Variants in LEMD3 observed in about 807,000 individuals in gnomAD.
The protein encoded by LEMD3 is inner nuclear membrane protein Man1.
LEMD3 carries 33 observed loss-of-function variants against 95.2 expected under a neutral mutation model. That is an observed-to-expected ratio of 0.35 (90% confidence interval 0.26 to 0.46). The LOEUF is 0.46. LEMD3 is among the 20% of genes least tolerant of loss of function. The pLI is 1.00. For synonymous variants in LEMD3, 525 were observed against 474.6 expected (o/e 1.11, Z -1.38); for missense variants, 1,210 against 1,192.8 (o/e 1.01, Z -0.21).
At chr12:65,192,105 TAAA>T (rs35863115) in intron 1 of LEMD3, among the ~76,000 whole-genome samples, 5 of 138,054 alleles carry the variant, frequency 3.6e-5, no homozygotes, top group Non-Finnish European at 3.2e-5. Flanking sequence ...CACAGTTGCT[TAAA>T]AAAAAAAAAA....
At chr12:65,244,899 C>T (rs545151323) in intron 10 of LEMD3, among the ~76,000 whole-genome samples, 18 of 151,720 alleles carry the variant, frequency 1.2e-4, no homozygotes, top group African/African-American at 3.6e-4. Context: ...TGCAGTGAGC[C>T]GAGATCACGC....
intron 1 of LEMD3, among the ~76,000 whole-genome samples, chr12:65,181,959 A>G (rs1204950277): frequency 6.6e-6 from 1 of 151,784 alleles, no homozygotes; most frequent in Admixed American, 6.6e-5. Context: ...GCCTTAGGTG[A>G]GAAGAGCAAA....
intron 1 of LEMD3, 89 bp from the exon 2 acceptor site, chr12:65,210,837 A>G (rs1869915506): frequency 1.0e-6 from 1 of 984,830 alleles, no homozygotes; most frequent in South Asian, 1.3e-5. Context: ...AGTTTTAGCA[A>G]AGTACATGCT....
intron 10 of LEMD3, among the ~76,000 whole-genome samples, chr12:65,243,992 GCA>G (rs908118004): frequency 9.4e-4 from 143 of 152,206 alleles, no homozygotes; most frequent in African/African-American, 3.0e-3. Flanking sequence ...CCAGAGAATA[GCA>G]CAGTCAAAAG....
At chr12:65,232,006 A>G (rs187437169) in intron 4 of LEMD3, among the ~76,000 whole-genome samples, 44 of 152,192 alleles carry the variant, frequency 2.9e-4, no homozygotes, top group Non-Finnish European at 4.6e-4. Flanking sequence ...AAATCACTCT[A>G]ATCTTTGCAT....
chr12:65,203,166 C>T (rs1869656053), intron 1 of LEMD3, among the ~76,000 whole-genome samples: 1 of 152,096 alleles, frequency 6.6e-6, no homozygotes, highest in African/African-American at 2.4e-5. Context: ...TTTATGCATT[C>T]ATTAAGTCAT....
chr12:65,200,808 A>C (rs1242698943), intron 1 of LEMD3, among the ~76,000 whole-genome samples: 1 of 152,026 alleles, frequency 6.6e-6, no homozygotes, highest in Non-Finnish European at 1.5e-5. Flanking sequence ...GAAATTTTTT[A>C]ATGTGAATGT....
At chr12:65,212,514 G>T (rs1348895908) in intron 2 of LEMD3, among the ~76,000 whole-genome samples, 1 of 139,190 alleles carries the variant, frequency 7.2e-6, no homozygotes, top group African/African-American at 2.7e-5. Flanking sequence ...TCCAGCCTGG[G>T]CTACAGAGTG....
rs1213802214 is a variant in LEMD3 at position 65,238,556 on chromosome 12, G to A, written c.1750G>A (p.Glu584Lys). The A allele has an allele frequency of 1.9e-6, 3 of 1,611,902 alleles. No homozygotes were observed. Among genetic ancestry groups the A allele is most frequent in the African/African-American group, 1.3e-5 (1 of 74,850 alleles). The change falls in exon 5 of 13, where the codon GAA (glutamate) becomes AAA (lysine). Residue 584 changes from glutamate (E) to lysine (K), a missense_variant. Glu to Lys is a moderately conservative substitution (Grantham distance 56). This residue lies in a region of LEMD3 where 461 missense variants were observed against 569.8 expected (regional missense o/e 0.81). Transcript: ENST00000308330. ...TAACACTTCATTGCAGTGGATCTTA[G>A]AAAATGGAAAAGATGTTGGAATAAG... ...IFNTSLQWIL[E>K]NGKDVGIRCV...
Position 65,170,265 on chromosome 12 carries a change from G to T in LEMD3, c.669G>T (p.Glu223Asp). The part of the protein sequence containing the change: ...KDGAVEDEEG[E>D]GEDGEERDPE... Reference sequence around the variant, plus strand: ...GAGCAGTGGAGGACGAGGAAGGGGAGGGAGAGGACGGTGAGGAGAGGGACC... The same window carrying T: ...GAGCAGTGGAGGACGAGGAAGGGGATGGAGAGGACGGTGAGGAGAGGGACC... The change falls in exon 1 of 13, where the codon GAG becomes GAT. Residue 223 changes from glutamate (E) to aspartate (D), a missense_variant. By Grantham distance (45) the Glu-to-Asp change is conservative (BLOSUM62 2). This residue lies in a region of LEMD3 where 749 missense variants were observed against 622.9 expected (regional missense o/e 1.20). Coordinates refer to ENST00000308330, the MANE Select transcript of LEMD3 (RefSeq NM_014319.5). 6.4e-7 allele frequency: 1 copy of T among 1,562,724 alleles called. No homozygotes were observed. The highest frequency in any genetic ancestry group is 2.4e-5 in the East Asian group (1 of 42,226).
intron 1 of LEMD3, among the ~76,000 whole-genome samples, chr12:65,184,956 C>A (rs1869014937): frequency 6.6e-6 from 1 of 151,986 alleles, no homozygotes; most frequent in African/African-American, 2.4e-5. Context: ...TCCAACTCCC[C>A]CTATTCCCTC....
intron 1 of LEMD3, among the ~76,000 whole-genome samples, chr12:65,184,899 G>A (rs1869012132): frequency 6.6e-6 from 1 of 152,018 alleles, no homozygotes; most frequent in South Asian, 2.1e-4. Context: ...TGGACATACT[G>A]TTTTCCTTTT....
intron 1 of LEMD3, among the ~76,000 whole-genome samples, chr12:65,199,830 T>C (rs552180322): frequency 6.6e-6 from 1 of 152,154 alleles, no homozygotes; most frequent in African/African-American, 2.4e-5. Context: ...TATGTTTAGT[T>C]TTGTAAGAAG....
intron 4 of LEMD3, among the ~76,000 whole-genome samples, chr12:65,230,041 A>T (rs1160756510): frequency 6.6e-6 from 1 of 152,200 alleles, no homozygotes; most frequent in African/African-American, 2.4e-5. Flanking sequence ...TTTTCACAGC[A>T]CCATTTAGTG....
chr12:65,241,640 T>TTTGAAGATTGGCTGTCATATGTAC (rs1311362246), intron 9 of LEMD3, among the ~76,000 whole-genome samples: 3 of 152,154 alleles, frequency 2.0e-5, no homozygotes, highest in African/African-American at 7.2e-5. Flanking sequence ...TATAGGGGGT[T>TTTGAAGATTGGCTGTCATATGTAC]TTGAAGATTG....
intron 10 of LEMD3, among the ~76,000 whole-genome samples, chr12:65,244,128 C>A (rs781458736): frequency 2.0e-5 from 3 of 152,124 alleles, no homozygotes; most frequent in Non-Finnish European, 2.9e-5. Flanking sequence ...TTTTAAAAGT[C>A]CCAACAGTGG....
rs114538575 is a variant in LEMD3 at position 65,222,049 on chromosome 12, A to T, written c.1695+3430A>T. On this transcript the variant is annotated intron_variant, in intron 4 of 12. Transcript: ENST00000308330. ...TGAGCCACCATGCCTGGCCAGGAAAATCTTTCAGTTTGTCACCATTGAGTA... is the reference window on the plus strand; with the variant it reads ...TGAGCCACCATGCCTGGCCAGGAAATTCTTTCAGTTTGTCACCATTGAGTA... 7.6e-3 allele frequency among the ~76,000 whole-genome samples: 1,151 copies of T among 152,056 alleles called. 16 individuals carry two copies. The highest frequency in any genetic ancestry group is 0.026 in the African/African-American group (1,078 of 41,496).
chr12:65,212,233 A>G (rs553350268), intron 2 of LEMD3, among the ~76,000 whole-genome samples: 10 of 152,320 alleles, frequency 6.6e-5, no homozygotes, highest in South Asian at 2.1e-4. Flanking sequence ...GCATGATTCA[A>G]TTACCTCCCA....
chr12:65,215,443 C>T (rs1846739345), intron 2 of LEMD3, among the ~76,000 whole-genome samples: 1 of 152,132 alleles, frequency 6.6e-6, no homozygotes, highest in Non-Finnish European at 1.5e-5. Context: ...GAGAACAGTT[C>T]TTAACTCCTA....
Sources: gnomAD v4.1 joint callset for allele counts (sites outside exome capture counted in the v4.1 genomes callset) on GRCh38, gnomAD v4.1.1 for gene constraint, gnomAD v4.1.1 regional missense constraint, MANE v1.5 for transcripts, NCBI Gene and HGNC (gene_info 2026-07-23, HGNC 2026-07-21) for gene names.